UMOD: variants seen among roughly 807,000 people sequenced by gnomAD.
UMOD encodes uromodulin.
Under a neutral mutation model 66.0 loss-of-function variants are expected in UMOD, and 64 were observed. That is an observed-to-expected ratio of 0.97 (90% CI 0.79 to 1.19). The LOEUF is 1.19. Ranked by LOEUF, UMOD falls within the 50% of genes most tolerant of loss-of-function variation. The pLI is 0.00. For synonymous variants in UMOD, 398 were observed against 352.7 expected (o/e 1.13, Z -1.44); for missense variants, 764 against 850.9 (o/e 0.90, Z 1.27).
chr16:20,350,591 C>G, intron 2 of UMOD, 59 bp downstream of exon 2: 1 of 1,598,908 alleles, frequency 6.3e-7, no homozygotes, highest in South Asian at 1.1e-5. Context: ...GCTTCCCCCA[C>G]ACATTCACAC....
intron 10 of UMOD, among the ~76,000 whole-genome samples, 191 bp from the exon 11 acceptor site, chr16:20,333,566 C>T (rs1365720756): frequency 6.6e-6 from 1 of 152,194 alleles, no homozygotes; most frequent in African/African-American, 2.4e-5. Context: ...AATCTTTCCT[C>T]CGGCACTAGG....
chr16:20,348,940 G>T lies in UMOD; in HGVS notation c.361C>A (p.His121Asn). The change falls in exon 3 of 11, where the codon CAC becomes AAC. Residue 121 changes from histidine (H) to asparagine (N), a missense_variant. Coordinates refer to ENST00000396138, the MANE Select transcript of UMOD (RefSeq NM_003361.4). ...ECAEPGLSHCHALATCVNVVG... is the reference protein window; with the variant it reads ...ECAEPGLSHCNALATCVNVVG... Reference sequence around the variant, plus strand: ...ACATTGACACATGTGGCCAGGGCGTGGCAGTGGCTAAGCCCAGGCTCAGCG... The same window carrying T: ...ACATTGACACATGTGGCCAGGGCGTTGCAGTGGCTAAGCCCAGGCTCAGCG... 1 of 1,572,884 alleles carries T rather than the reference G, an allele frequency of 6.4e-7. No homozygotes were observed. The highest frequency in any genetic ancestry group is 2.3e-5 in the East Asian group (1 of 42,586).
intron 10 of UMOD, among the ~76,000 whole-genome samples, chr16:20,334,226 G>T (rs974136753): frequency 6.6e-6 from 1 of 151,866 alleles, no homozygotes; most frequent in African/African-American, 2.4e-5. Flanking sequence ...AGAAGTGGGG[G>T]TTCTTGTTTG....
chr16:20,347,229 G>A (rs1965636694), intron 4 of UMOD, among the ~76,000 whole-genome samples: 1 of 152,066 alleles, frequency 6.6e-6, no homozygotes, highest in South Asian at 2.1e-4. Context: ...TGCCATGTTG[G>A]CCAGGCTGGT....
chr16:20,352,017 C>T (rs151007505), intron 1 of UMOD, among the ~76,000 whole-genome samples: 1 of 141,010 alleles, frequency 7.1e-6, no homozygotes, highest in African/African-American at 2.9e-5. Flanking sequence ...CCATCCCCCC[C>T]CCCCAAAAAA....
At chr16:20,343,933 C>G in intron 6 of UMOD, 91 bp downstream of exon 6, 2 of 1,513,416 alleles carry the variant, frequency 1.3e-6, no homozygotes, top group Non-Finnish European at 1.8e-6. Context: ...ACTCCCAGCT[C>G]CCTGTGGGTG....
At chr16:20,355,284 T>A (rs996592997), upstream of UMOD, among the ~76,000 whole-genome samples, 1 of 152,170 alleles carries the variant, frequency 6.6e-6, no homozygotes, top group Non-Finnish European at 1.5e-5. Context: ...CCAAATTCAA[T>A]CAATATTTTT....
chr16:20,342,258 G>A (rs529136655), intron 6 of UMOD, among the ~76,000 whole-genome samples: 1 of 152,332 alleles, frequency 6.6e-6, no homozygotes, highest in African/African-American at 2.4e-5. Context: ...AGACTGAGGT[G>A]GGAGGATTGC....
At position 20,344,074 on chromosome 16, in the gene UMOD, G is replaced by T; in HGVS notation, c.1281C>A (p.Tyr427Ter). 2 of 1,613,224 alleles carry T rather than the reference G, an allele frequency of 1.2e-6. No homozygotes were observed. The highest frequency in any genetic ancestry group is 2.2e-5 in the South Asian group (2 of 91,050). ...LNIKINFACS[Y>*]PLDMKVSLKT... Reference sequence around the variant, plus strand: ...TCAGGCTGACTTTCATGTCCAGGGGGTAGGAGCATGCAAAGTTGATTTTGA... The same window carrying T: ...TCAGGCTGACTTTCATGTCCAGGGGTTAGGAGCATGCAAAGTTGATTTTGA... The change falls in exon 6 of 11, where the codon TAC (tyrosine) becomes TAA (stop). Residue 427 changes from tyrosine to a stop codon, truncating the protein, a stop_gained. Coordinates refer to ENST00000396138, the MANE Select transcript of UMOD (RefSeq NM_003361.4). LOFTEE classifies it high-confidence loss of function.
chr16:20,350,971 G>A, intron 1 of UMOD, 132 bp from the exon 2 acceptor site: 1 of 889,894 alleles, frequency 1.1e-6, no homozygotes, highest in Non-Finnish European at 1.6e-6. Context: ...GCATAACACT[G>A]CAGCCCTTGT....
In UMOD at chr16:20,343,943, G is replaced by C. The variant is rs1965380914; in HGVS notation, c.1331+81C>G. On this transcript the variant is annotated intron_variant, in intron 6 of 10. Coordinates refer to ENST00000396138, the MANE Select transcript of UMOD (RefSeq NM_003361.4). ...CCCTCACTCCCAGCTCCCTGTGGGT[G>C]GCAGTTGACAGGGAAGCTCATGGTT... 1.9e-6 allele frequency: 3 copies of C among 1,540,040 alleles called. No homozygotes were observed. In the Admixed American group the frequency reaches 5.1e-5, roughly 26 times the overall value.
upstream of UMOD, among the ~76,000 whole-genome samples, chr16:20,355,519 T>A (rs936896268): frequency 1.3e-5 from 2 of 151,564 alleles, no homozygotes; most frequent in East Asian, 3.9e-4. Context: ...TTCTCTTGAA[T>A]CCTTGAATCC....
chr16:20,345,995 CT>C, intron 5 of UMOD, 130 bp downstream of exon 5: 1 of 785,772 alleles, frequency 1.3e-6, no homozygotes, highest in Non-Finnish European at 2.1e-6. Context: ...TATTTCTCCA[CT>C]TTACAGTTGA....
At chr16:20,354,003 G>A (rs1002339512), upstream of UMOD, among the ~76,000 whole-genome samples, 6 of 151,804 alleles carry the variant, frequency 4.0e-5, no homozygotes, top group South Asian at 2.1e-4. Context: ...GAGAACATGC[G>A]GTGTTTGGTT....
In UMOD at chr16:20,350,643, C is replaced by A. The variant is rs1301096130; in HGVS notation, c.88+7G>T. Reference sequence around the variant, plus strand: ...ACATATACAACGCACACACACTTTTCACTTACTTGCTTCTGAGGTGTCAGT... The same window carrying A: ...ACATATACAACGCACACACACTTTTAACTTACTTGCTTCTGAGGTGTCAGT... On this transcript the variant is annotated splice_region_variant and intron_variant, in intron 2 of 10. Transcript: ENST00000396138. 5.6e-6 allele frequency: 9 copies of A among 1,614,004 alleles called. No homozygotes were observed. The highest frequency in any genetic ancestry group is 1.3e-5 in the African/African-American group (1 of 74,926).
intron 8 of UMOD, among the ~76,000 whole-genome samples, 169 bp downstream of exon 8, chr16:20,337,122 G>A (rs1964917998): frequency 6.6e-6 from 1 of 152,188 alleles, no homozygotes; most frequent in African/African-American, 2.4e-5. Flanking sequence ...GATCCCACCT[G>A]ATTTCCCCTG....
upstream of UMOD, among the ~76,000 whole-genome samples, chr16:20,355,274 C>T (rs1966012765): frequency 6.6e-6 from 1 of 152,132 alleles, no homozygotes; most frequent in Non-Finnish European, 1.5e-5. Context: ...ATCCATGTTA[C>T]CAAATTCAAT....
At chr16:20,342,696 A>G (rs906667056) in intron 6 of UMOD, among the ~76,000 whole-genome samples, 1 of 152,210 alleles carries the variant, frequency 6.6e-6, no homozygotes, top group African/African-American at 2.4e-5. Flanking sequence ...AACTTCTGTG[A>G]GCCTCAATTT....
At chr16:20,339,302 G>A (rs532213600) in intron 7 of UMOD, among the ~76,000 whole-genome samples, 15 of 152,260 alleles carry the variant, frequency 9.9e-5, no homozygotes, top group Admixed American at 7.8e-4. Flanking sequence ...TTTCCTGTGT[G>A]TCCCAACATC....
Sources: gnomAD v4.1 joint callset for allele counts (sites outside exome capture counted in the v4.1 genomes callset) on GRCh38, gnomAD v4.1.1 for gene constraint, MANE v1.5 for transcripts, NCBI Gene and HGNC (gene_info 2026-07-23, HGNC 2026-07-21) for gene names.